The following DTWD2 variants were observed in gnomAD, a reference collection of about 807,000 sequenced individuals.
DTWD2 encodes the protein tRNA-uridine aminocarboxypropyltransferase 2.
A neutral mutation model predicts 31.8 loss-of-function variants in DTWD2; 39 were observed. That is an observed-to-expected ratio of 1.22 (90% CI 0.95 to 1.60). The LOEUF is 1.60. Ranked by LOEUF, DTWD2 falls within the 40% of genes most tolerant of loss-of-function variation. The pLI is 0.00. For synonymous variants in DTWD2, 180 were observed against 142.8 expected (o/e 1.26, Z -1.86); for missense variants, 515 against 381.5 (o/e 1.35, Z -2.92).
At chr5:118,939,479 A>C (rs1320379348) in intron 2 of DTWD2, among the ~76,000 whole-genome samples, 189 bp from the exon 3 acceptor site, 1 of 152,180 alleles carries the variant, frequency 6.6e-6, no homozygotes, top group Non-Finnish European at 1.5e-5. Flanking sequence ...ACAAGCATAC[A>C]TTTTTATTCT....
At chr5:118,928,835 G>T in intron 3 of DTWD2, 106 bp from the exon 4 acceptor site, 1 of 924,616 alleles carries the variant, frequency 1.1e-6, no homozygotes, top group Non-Finnish European at 1.5e-6. Flanking sequence ...GTAGTCATTT[G>T]TCTAATCAAA....
chr5:118,950,483 T>C (rs1229001999), intron 1 of DTWD2, among the ~76,000 whole-genome samples: 1 of 152,198 alleles, frequency 6.6e-6, no homozygotes, highest in African/African-American at 2.4e-5. Flanking sequence ...CTTCAGCTGC[T>C]AAGCCGAGAA....
At chr5:118,914,116 C>T (rs769886517) in intron 4 of DTWD2, among the ~76,000 whole-genome samples, 1 of 152,046 alleles carries the variant, frequency 6.6e-6, no homozygotes, top group East Asian at 1.9e-4. Flanking sequence ...TTGGTGGTTT[C>T]GCCTTACTCT....
chr5:118,925,998 G>C lies in DTWD2; in HGVS notation c.597+2539C>G, dbSNP rs542144833. Among the ~76,000 whole-genome samples the C allele has an allele frequency of 7.3e-4, 111 of 152,262 alleles. 3 individuals are homozygous for C. In the Middle Eastern group the frequency reaches 0.01, roughly 14 times the overall value. On this transcript the variant is annotated intron_variant, in intron 4 of 5. Coordinates refer to ENST00000510708, the MANE Select transcript of DTWD2 (RefSeq NM_173666.4). ...TAACCCCAGCACTTTGGGAAGCCGA[G>C]GTAGGGAGAGGATCACTTGAGCCCT...
intron 4 of DTWD2, among the ~76,000 whole-genome samples, chr5:118,891,286 C>T (rs1251390178): frequency 6.6e-6 from 1 of 152,028 alleles, no homozygotes; most frequent in African/African-American, 2.4e-5. Context: ...ACTATGCAAT[C>T]CACATCACTC....
chr5:118,848,128 C>T lies in DTWD2; in HGVS notation c.688G>A (p.Ala230Thr), dbSNP rs148574499. ...CLSTLECAAV[A>T]LSILEKNNYI... ...TTATTTTTCTCCAAGATGGAAAGAG[C>T]AACAGCTGCACACTCCAGTGTAGAA... The change falls in exon 5 of 6, where the codon GCT becomes ACT. Residue 230 changes from alanine to threonine, a missense_variant. Physicochemically the swap from Ala to Thr is moderately conservative, Grantham distance 58. Coordinates refer to ENST00000510708, the MANE Select transcript of DTWD2 (RefSeq NM_173666.4). 8.8e-4 allele frequency: 1,396 copies of T among 1,588,242 alleles called. 1 individual carries two copies. Among genetic ancestry groups the T allele is most frequent in the Admixed American group, 1.2e-3 (70 of 56,262 alleles).
At chr5:118,875,002 C>T (rs1172872206) in intron 4 of DTWD2, among the ~76,000 whole-genome samples, 7 of 152,120 alleles carry the variant, frequency 4.6e-5, no homozygotes, top group Admixed American at 3.9e-4. Flanking sequence ...ACCCATCAGA[C>T]AGTGAACCTC....
chr5:118,929,816 T>C (rs1443323499), intron 3 of DTWD2, among the ~76,000 whole-genome samples: 1 of 152,162 alleles, frequency 6.6e-6, no homozygotes, highest in Non-Finnish European at 1.5e-5. Flanking sequence ...GACCTTCCCT[T>C]GTCCAGATCT....
At chr5:118,985,192 A>G (rs1024837363) in intron 1 of DTWD2, among the ~76,000 whole-genome samples, 2 of 151,932 alleles carry the variant, frequency 1.3e-5, no homozygotes, top group African/African-American at 4.8e-5. Flanking sequence ...ACTCTCGTAC[A>G]TACTGTTTCC....
In DTWD2 at chr5:118,836,529, G is replaced by A. The variant is rs899687763; in HGVS notation, c.*4388C>T. On this transcript the variant is annotated 3_prime_UTR_variant, in exon 6 of 6. Coordinates refer to ENST00000510708, the MANE Select transcript of DTWD2 (RefSeq NM_173666.4). ...TGGAATTACAGATGTGAGCCACCACGCTTGGCTCAAGTGAATAATTCTTAA... is the reference window on the plus strand; with the variant it reads ...TGGAATTACAGATGTGAGCCACCACACTTGGCTCAAGTGAATAATTCTTAA... Among the ~76,000 whole-genome samples, 2 of 152,156 alleles carry A rather than the reference G, an allele frequency of 1.3e-5. No individual in the cohort carries two copies. Among genetic ancestry groups the A allele is most frequent in the Non-Finnish European group, 2.9e-5 (2 of 68,028 alleles).
intron 3 of DTWD2, among the ~76,000 whole-genome samples, chr5:118,938,765 T>C (rs983657528): frequency 5.0e-5 from 5 of 100,920 alleles, no homozygotes; most frequent in African/African-American, 2.0e-4. Context: ...TTAGGCACCA[T>C]AGGGGAAAAA....
At chr5:118,892,295 G>C (rs535761478) in intron 4 of DTWD2, among the ~76,000 whole-genome samples, 9 of 152,208 alleles carry the variant, frequency 5.9e-5, no homozygotes, top group African/African-American at 1.9e-4. Context: ...AGATAATCAT[G>C]TAAACACCTT....
intron 2 of DTWD2, among the ~76,000 whole-genome samples, chr5:118,940,903 A>C (rs1754164169): frequency 6.6e-6 from 1 of 152,194 alleles, no homozygotes; most frequent in African/African-American, 2.4e-5. Context: ...TTCACGACTA[A>C]ATACACATTG....
chr5:118,983,878 G>C (rs191998798), intron 1 of DTWD2, among the ~76,000 whole-genome samples: 1 of 152,090 alleles, frequency 6.6e-6, no homozygotes, highest in African/African-American at 2.4e-5. Flanking sequence ...AGCTGGGCGC[G>C]GTGGCTCTCA....
Position 118,848,095 on chromosome 5 carries a change from GTATGTAAT to G in DTWD2, c.713_720del (p.Asn238ThrfsTer37). The G allele has an allele frequency of 1.3e-6, 2 of 1,569,776 alleles. No individual in the cohort carries two copies. Among genetic ancestry groups the G allele is most frequent in the Non-Finnish European group, 1.7e-6 (2 of 1,163,150 alleles). On this transcript the variant is annotated frameshift_variant, in exon 5 of 6. Coordinates refer to ENST00000510708, the MANE Select transcript of DTWD2 (RefSeq NM_173666.4). LOFTEE classifies it high-confidence loss of function. ...ATAACCTTACAAAGACGTACCTCTTGTATGTAATTATTTTTCTCCAAGATGGAAAGAGC... is the reference window on the plus strand; with the variant it reads ...ATAACCTTACAAAGACGTACCTCTTGTATTTTTCTCCAAGATGGAAAGAGC...
rs1295802359 is a variant in DTWD2, at chr5:118,839,939, C to G, written c.*978G>C. 1.3e-5 allele frequency: 2 copies of G among 152,090 alleles called. No homozygotes were observed. The highest frequency in any genetic ancestry group is 4.8e-5 in the African/African-American group (2 of 41,420). 9.4% of individuals were successfully genotyped at this position (152,090 alleles called of 1,614,324 possible). On this transcript the variant is annotated 3_prime_UTR_variant, in exon 6 of 6. Coordinates refer to ENST00000510708, the MANE Select transcript of DTWD2 (RefSeq NM_173666.4). ...AACTTAACACTAGATACAGGAAACT[C>G]TAGAACTCATAAACAAAGACTAAAC... is the stretch of plus-strand genomic sequence containing the variant.
intron 3 of DTWD2, among the ~76,000 whole-genome samples, chr5:118,938,182 T>C (rs980510921): frequency 4.6e-5 from 7 of 151,716 alleles, no homozygotes; most frequent in African/African-American, 1.7e-4. Flanking sequence ...ATAAACATTA[T>C]ACTAAAGGTA....
At chr5:118,867,877 T>A (rs914282317) in intron 4 of DTWD2, among the ~76,000 whole-genome samples, 9 of 152,132 alleles carry the variant, frequency 5.9e-5, no homozygotes, top group Non-Finnish European at 8.8e-5. Context: ...GCAATTCCTA[T>A]CAAAATCCCA....
chr5:118,918,055 G>T (rs1400663075), intron 4 of DTWD2, among the ~76,000 whole-genome samples: 1 of 151,976 alleles, frequency 6.6e-6, no homozygotes, highest in Non-Finnish European at 1.5e-5. Flanking sequence ...CTCCAATGAG[G>T]TCCCACCCCC....
Sources: allele counts gnomAD v4.1 joint callset (sites outside exome capture counted in the v4.1 genomes callset), GRCh38; gene constraint gnomAD v4.1.1; transcripts MANE v1.5; gene names NCBI Gene and HGNC (gene_info 2026-07-23, HGNC 2026-07-21).